The following NEBL variants were observed in gnomAD, a reference collection of about 807,000 sequenced individuals.
NEBL encodes the protein nebulette.
Under a neutral mutation model 140.2 loss-of-function variants are expected in NEBL, and 122 were observed. The ratio of observed to expected loss-of-function variants is 0.87; its 90% CI spans 0.75 to 1.01. NEBL has a LOEUF of 1.01. NEBL is among the 50% of genes least tolerant of loss of function. NEBL has a pLI of 0.00. For synonymous variants in NEBL, 436 were observed against 398.9 expected (o/e 1.09, Z -1.11); for missense variants, 1,365 against 1,231.3 (o/e 1.11, Z -1.62).
chr10:20,941,385 C>A (rs1397661559), intron 4 of NEBL, among the ~76,000 whole-genome samples: 1 of 152,134 alleles, frequency 6.6e-6, no homozygotes, highest in East Asian at 1.9e-4. Context: ...AATTCAACAA[C>A]CTTCATGCTA....
intron 4 of NEBL, among the ~76,000 whole-genome samples, chr10:20,906,771 A>G (rs1029967459): frequency 6.6e-6 from 1 of 152,130 alleles, no homozygotes; most frequent in Non-Finnish European, 1.5e-5. Context: ...TAATAAGTTC[A>G]CAAATGTTTC....
At chr10:21,120,016 G>A (rs1286393557) in intron 2 of NEBL, among the ~76,000 whole-genome samples, 1 of 151,982 alleles carries the variant, frequency 6.6e-6, no homozygotes, top group Non-Finnish European at 1.5e-5. Flanking sequence ...GCTAAGTGAT[G>A]GGCAGAGAAT....
rs143601092 is a variant in NEBL, at chr10:21,166,417, G to C, written c.164+5966C>G. Among the ~76,000 whole-genome samples the C allele has an allele frequency of 2.9e-3, 438 of 151,856 alleles. 1 individual carries two copies. The highest frequency in any genetic ancestry group is 0.011 in the South Asian group (52 of 4,786). ...CAATTCTGGTTACAACTCTCTAATG[G>C]GTAGCAGCCCATAGTGCGAAAAACT... On this transcript the variant is annotated intron_variant, in intron 2 of 6. Transcript: ENST00000417816.
At chr10:21,237,256 G>A (rs1418653364) in intron 3 of NEBL, among the ~76,000 whole-genome samples, 6 of 152,248 alleles carry the variant, frequency 3.9e-5, no homozygotes, top group African/African-American at 1.2e-4. Flanking sequence ...CCAGGCTGGA[G>A]TGCAGTAGCG....
intron 2 of NEBL, among the ~76,000 whole-genome samples, chr10:21,022,780 T>A (rs555263511): frequency 1.3e-5 from 2 of 152,240 alleles, no homozygotes; most frequent in South Asian, 2.1e-4. Context: ...TATGCTTGTA[T>A]AACCGCTGGA....
chr10:21,257,575 A>C (rs911425293), intron 1 of NEBL, among the ~76,000 whole-genome samples: 6 of 152,234 alleles, frequency 3.9e-5, no homozygotes, highest in African/African-American at 4.8e-5. Flanking sequence ...AAGAGGTGAC[A>C]ATCTGGTTGA....
At chr10:21,141,974 C>A (rs1388738541) in intron 2 of NEBL, among the ~76,000 whole-genome samples, 1 of 152,196 alleles carries the variant, frequency 6.6e-6, no homozygotes, top group Non-Finnish European at 1.5e-5. Flanking sequence ...AATACTATAT[C>A]CTTCTAGGTA....
intron 3 of NEBL, among the ~76,000 whole-genome samples, chr10:21,192,964 G>A (rs1169608710): frequency 2.6e-5 from 4 of 152,102 alleles, no homozygotes; most frequent in Non-Finnish European, 4.4e-5. Context: ...GACTGACTCC[G>A]AAGGCACACT....
rs116556909 is a variant in NEBL at position 21,101,393 on chromosome 10, G to A, written c.164+70990C>T. 4.4e-3 allele frequency among the ~76,000 whole-genome samples: 671 copies of A among 152,316 alleles called. 5 individuals are homozygous for A. Among genetic ancestry groups the A allele is most frequent in the African/African-American group, 0.015 (633 of 41,568 alleles). Reference sequence around the variant, plus strand: ...TCTGGCTAAAACAATCCACGCAGAAGTGATGGGTAGAAATTTCTGGTAGTA... The same window carrying A: ...TCTGGCTAAAACAATCCACGCAGAAATGATGGGTAGAAATTTCTGGTAGTA... On this transcript the variant is annotated intron_variant, in intron 2 of 6. Transcript: ENST00000417816.
rs551929585 is a variant in NEBL at position 20,940,879 on chromosome 10, A to T, written c.357+20793T>A. Among the ~76,000 whole-genome samples, 20 of 152,366 alleles carry T rather than the reference A, an allele frequency of 1.3e-4. No individual in the cohort carries two copies. The South Asian group carries it at 4.1e-3, about 32-fold the overall frequency. ...TCAACACATACAAACTCCCAAGACT[A>T]AACCAGGAAGAAGTTGAATCTCTGA... On this transcript the variant is annotated intron_variant, in intron 4 of 6. Transcript: ENST00000417816.
chr10:21,103,360 C>G (rs1228446620), intron 2 of NEBL, among the ~76,000 whole-genome samples: 1 of 151,846 alleles, frequency 6.6e-6, no homozygotes, highest in Admixed American at 6.6e-5. Context: ...ACTACAGGCA[C>G]CCGCCACCAT....
At chr10:20,970,356 AG>A (rs2131636170) in intron 3 of NEBL, among the ~76,000 whole-genome samples, 1 of 152,236 alleles carries the variant, frequency 6.6e-6, no homozygotes, top group Admixed American at 6.5e-5. Context: ...GAATACAAAT[AG>A]GCTGGGCACA....
intron 19 of NEBL, 149 bp downstream of exon 19, chr10:20,823,059 A>G (rs756193047): frequency 4.2e-5 from 25 of 600,034 alleles, no homozygotes; most frequent in Admixed American, 3.9e-4. Context: ...GGGCATACAG[A>G]TGTGTAAAAT....
Position 20,971,612 on chromosome 10 carries a change from A to G in NEBL, c.250-9833T>C, listed in dbSNP as rs1345130825. Among the ~76,000 whole-genome samples, 3 of 71,010 alleles carry G rather than the reference A, an allele frequency of 4.2e-5. No individual in the cohort carries two copies. In the Admixed American group the frequency reaches 6.1e-4, roughly 14 times the overall value. The allele number at this position is 71,010 out of a possible 152,430, so 46.6% of individuals were successfully genotyped here. A position where few individuals can be genotyped will look rare whatever the true frequency, so the allele number is the denominator to read the frequency against. On this transcript the variant is annotated intron_variant, in intron 3 of 6. Coordinates refer to the NEBL transcript ENST00000417816. Reference sequence around the variant, plus strand: ...CCCTCCCCCCTCCCCCAACCCTAGAATTTTTTTTTTTTTTTTTTTGAGATG... The same window carrying G: ...CCCTCCCCCCTCCCCCAACCCTAGAGTTTTTTTTTTTTTTTTTTTGAGATG...
intron 4 of NEBL, among the ~76,000 whole-genome samples, chr10:20,943,449 G>C (rs1420374813): frequency 6.6e-6 from 1 of 152,208 alleles, no homozygotes; most frequent in Non-Finnish European, 1.5e-5. Flanking sequence ...GTGGGTTGGG[G>C]AGAGTGGGGA....
intron 4 of NEBL, among the ~76,000 whole-genome samples, chr10:20,934,555 G>A (rs1014060599): frequency 2.0e-5 from 3 of 152,078 alleles, no homozygotes; most frequent in African/African-American, 7.2e-5. Context: ...TGCTATCCAC[G>A]ATGGGCCCGC....
At chr10:21,255,374 G>A (rs1171893330) in intron 1 of NEBL, among the ~76,000 whole-genome samples, 4 of 152,156 alleles carry the variant, frequency 2.6e-5, no homozygotes, top group South Asian at 2.1e-4. Context: ...CGGGTATTGC[G>A]AGCTGAGGAT....
intron 9 of NEBL, among the ~76,000 whole-genome samples, chr10:20,854,745 T>G (rs1371194933): frequency 1.3e-4 from 19 of 151,618 alleles, no homozygotes; most frequent in Admixed American, 1.2e-3. Context: ...CTTTATTTTT[T>G]GTGGAGCTAG....
At chr10:20,869,431 T>C (rs1456023630) in intron 6 of NEBL, among the ~76,000 whole-genome samples, 1 of 152,132 alleles carries the variant, frequency 6.6e-6, no homozygotes, top group African/African-American at 2.4e-5. Context: ...AGAGATTATA[T>C]GGGACCATAT....
Sources: allele counts gnomAD v4.1 joint callset (sites outside exome capture counted in the v4.1 genomes callset), GRCh38; gene constraint gnomAD v4.1.1; transcripts MANE v1.5; gene names NCBI Gene and HGNC (gene_info 2026-07-23, HGNC 2026-07-21).